The following ZNF608 variants were observed in gnomAD, a reference collection of about 807,000 sequenced individuals.
ZNF608 encodes the protein renal carcinoma antigen NY-REN-36.
A neutral mutation model predicts 109.0 loss-of-function variants in ZNF608; 12 were observed. That is an observed-to-expected ratio of 0.11 (90% CI 0.07 to 0.18). The LOEUF (loss-of-function observed/expected upper bound fraction) is 0.18. ZNF608 is among the 10% of genes least tolerant of loss of function. The pLI is 1.00. For synonymous variants in ZNF608, 732 were observed against 717.4 expected (o/e 1.02, Z -0.33); for missense variants, 1,707 against 1,879.3 (o/e 0.91, Z 1.70).
intron 2 of ZNF608, among the ~76,000 whole-genome samples, chr5:124,713,168 C>T (rs1454852118): frequency 6.6e-6 from 1 of 152,238 alleles, no homozygotes; most frequent in Non-Finnish European, 1.5e-5. Flanking sequence ...TCTCTTACTA[C>T]TCTTCTATCT....
chr5:124,674,871 C>T (rs188891956), intron 3 of ZNF608, among the ~76,000 whole-genome samples: 14 of 152,196 alleles, frequency 9.2e-5, no homozygotes, highest in Admixed American at 2.0e-4. Context: ...GCCTCACCTC[C>T]CCAAATGCTA....
rs374163838 is a variant in ZNF608 at position 124,653,850 on chromosome 5, T to A, written c.1163-4153A>T. Among the ~76,000 whole-genome samples, 20 of 152,262 alleles carry A rather than the reference T, an allele frequency of 1.3e-4. No homozygotes were observed. In the South Asian group the frequency reaches 3.9e-3, roughly 30 times the overall value. On this transcript the variant is annotated intron_variant, in intron 3 of 9. Transcript: ENST00000513986. ...CGTAAAGAACCATGATGGGCCAAAG[T>A]TCCAAGGGCGCAATAGCTATAAGAC...
chr5:124,684,944 C>CA (rs1752343128), intron 3 of ZNF608, among the ~76,000 whole-genome samples: 1 of 152,212 alleles, frequency 6.6e-6, no homozygotes, highest in Non-Finnish European at 1.5e-5. Flanking sequence ...AGCTGCTAGA[C>CA]TATTGCAGCC....
At chr5:124,748,457 C>T, upstream of ZNF608, 2 of 814,582 alleles carry the variant, frequency 2.5e-6, no homozygotes, top group Non-Finnish European at 3.0e-6. Flanking sequence ...CATTTCTATG[C>T]ATAAAACTCG....
intron 3 of ZNF608, among the ~76,000 whole-genome samples, chr5:124,683,055 C>G (rs1752260749): frequency 6.6e-6 from 1 of 151,988 alleles, no homozygotes. Flanking sequence ...TCTATCTGAT[C>G]TTGCTGGGAA....
At chr5:124,723,634 C>A (rs1043139169) in intron 2 of ZNF608, among the ~76,000 whole-genome samples, 3 of 152,006 alleles carry the variant, frequency 2.0e-5, no homozygotes. Flanking sequence ...GTTGCAATGA[C>A]CAGAGATCGT....
chr5:124,654,619 C>T (rs1054087982), intron 3 of ZNF608, among the ~76,000 whole-genome samples: 1 of 152,208 alleles, frequency 6.6e-6, no homozygotes, highest in Admixed American at 6.5e-5. Context: ...GCCATGTTTC[C>T]CTCCCCTTTC....
At chr5:124,663,252 A>T (rs1751348849) in intron 3 of ZNF608, among the ~76,000 whole-genome samples, 1 of 152,196 alleles carries the variant, frequency 6.6e-6, no homozygotes, top group African/African-American at 2.4e-5. Flanking sequence ...TTTCTTTGAA[A>T]GAGAAAACAG....
At chr5:124,728,307 A>G (rs1488322944) in intron 2 of ZNF608, among the ~76,000 whole-genome samples, 4 of 152,136 alleles carry the variant, frequency 2.6e-5, no homozygotes, top group Non-Finnish European at 5.9e-5. Flanking sequence ...ATAAATGGAG[A>G]AAAAAATAGG....
intron 3 of ZNF608, among the ~76,000 whole-genome samples, chr5:124,658,266 C>T (rs1196008327): frequency 6.6e-6 from 1 of 152,110 alleles, no homozygotes; most frequent in Non-Finnish European, 1.5e-5. Flanking sequence ...ATGCTGTGGT[C>T]CCTCAGCGCT....
chr5:124,747,579 A>C (rs1749683097), upstream of ZNF608, among the ~76,000 whole-genome samples: 1 of 151,698 alleles, frequency 6.6e-6, no homozygotes, highest in Admixed American at 6.6e-5. Context: ...GGTCTTTAAA[A>C]AAAAAAAAGC....
At chr5:124,641,693 G>A (rs926485408) in intron 7 of ZNF608, among the ~76,000 whole-genome samples, 1 of 152,110 alleles carries the variant, frequency 6.6e-6, no homozygotes, top group African/African-American at 2.4e-5. Context: ...CATAATTGCA[G>A]GTTAAGAATT....
At chr5:124,675,161 G>A (rs1021891101) in intron 3 of ZNF608, among the ~76,000 whole-genome samples, 8 of 152,174 alleles carry the variant, frequency 5.3e-5, no homozygotes, top group African/African-American at 1.7e-4. Flanking sequence ...GAAAAAACAA[G>A]AGGATATTAA....
chr5:124,689,702 C>A (rs1195583539), intron 3 of ZNF608, among the ~76,000 whole-genome samples: 1 of 152,206 alleles, frequency 6.6e-6, no homozygotes, highest in African/African-American at 2.4e-5. Flanking sequence ...GATACCACTA[C>A]ACACCTATTA....
chr5:124,660,757 A>G (rs1254752465), intron 3 of ZNF608, among the ~76,000 whole-genome samples: 3 of 152,228 alleles, frequency 2.0e-5, no homozygotes, highest in Non-Finnish European at 2.9e-5. Flanking sequence ...GCACTGGCAT[A>G]AAGAAGCCAC....
chr5:124,738,841 C>T (rs982863482), intron 2 of ZNF608, among the ~76,000 whole-genome samples: 3 of 150,364 alleles, frequency 2.0e-5, no homozygotes, highest in African/African-American at 7.5e-5. Flanking sequence ...AACAATTCAA[C>T]GTGCAGCTCT....
At chr5:124,704,536 C>T (rs1302240129) in intron 2 of ZNF608, among the ~76,000 whole-genome samples, 1 of 152,098 alleles carries the variant, frequency 6.6e-6, no homozygotes, top group African/African-American at 2.4e-5. Context: ...TACAGCCACT[C>T]CCAGAGGTGT....
chr5:124,682,236 C>T (rs1425053915), intron 3 of ZNF608, among the ~76,000 whole-genome samples: 1 of 152,206 alleles, frequency 6.6e-6, no homozygotes, highest in Non-Finnish European at 1.5e-5. Context: ...CCATGCCTGG[C>T]TAATTTTTCT....
chr5:124,647,269 C>T lies in ZNF608; in HGVS notation c.3115G>A (p.Glu1039Lys). The T allele has an allele frequency of 6.2e-7, 1 of 1,614,220 alleles. No individual in the cohort carries two copies. The highest frequency in any genetic ancestry group is 1.1e-5 in the South Asian group (1 of 91,084). Residue 1039 changes from glutamate (E) to lysine (K), a missense_variant, in exon 5 of 10, where the codon GAA becomes AAA. Glu to Lys is a moderately conservative substitution (Grantham distance 56, BLOSUM62 1). Transcript: ENST00000513986. Reference protein sequence around the residue: ...KIKKESEEDAEKKDKAEQLDS... With the variant: ...KIKKESEEDAKKKDKAEQLDS... The stretch of plus-strand genomic sequence containing the variant: ...AACTGCTCTGCCTTGTCTTTCTTTT[C>T]AGCATCTTCCTCAGACTCCTTCTTG...
Sources: allele counts gnomAD v4.1 joint callset (sites outside exome capture counted in the v4.1 genomes callset), GRCh38; gene constraint gnomAD v4.1.1; transcripts MANE v1.5; gene names NCBI Gene and HGNC (gene_info 2026-07-23, HGNC 2026-07-21).